Variants in FRAS1 observed in about 807,000 individuals in gnomAD.
FRAS1 encodes the protein extracellular matrix organizing protein FRAS1.
Under a neutral mutation model 435.2 loss-of-function variants are expected in FRAS1, and 290 were observed. The ratio of observed to expected loss-of-function variants is 0.67; its 90% confidence interval spans 0.61 to 0.73. The LOEUF is 0.73. Among genes scored for constraint, FRAS1 ranks in the 30% least tolerant of loss-of-function variants. FRAS1 has a pLI of 0.00. For synonymous variants in FRAS1, 1,800 were observed against 1,851.0 expected, an observed-to-expected ratio of 0.97 and a Z score of 0.71; for missense variants, 4,860 against 5,001.5, an observed-to-expected ratio of 0.97 and a Z score of 0.85.
chr4:78,224,757 C>G (rs1184633321), intron 2 of FRAS1, among the ~76,000 whole-genome samples: 4 of 152,068 alleles, frequency 2.6e-5, no homozygotes, highest in Non-Finnish European at 5.9e-5. Context: ...GTTTCAAACT[C>G]CTGGGCCCAA....
chr4:78,129,849 C>T (rs1167161750), intron 2 of FRAS1, among the ~76,000 whole-genome samples: 1 of 152,098 alleles, frequency 6.6e-6, no homozygotes, highest in Non-Finnish European at 1.5e-5. Flanking sequence ...TCCCAACTCT[C>T]CAACTCTCCA....
chr4:78,356,339 A>G (rs950520398), intron 20 of FRAS1, among the ~76,000 whole-genome samples: 2 of 152,092 alleles, frequency 1.3e-5, no homozygotes, highest in Non-Finnish European at 2.9e-5. Flanking sequence ...TTTTACTCCA[A>G]TAACCTTTTC....
chr4:78,464,263 A>G (rs1578339770), intron 48 of FRAS1, 118 bp downstream of exon 48: 3 of 1,408,904 alleles, frequency 2.1e-6, no homozygotes, highest in Non-Finnish European at 2.9e-6. Flanking sequence ...CTCTCAGTCA[A>G]GGGGTAGGGG....
At chr4:78,318,762 A>G (rs373210173) in intron 17 of FRAS1, 48 bp from the exon 18 acceptor site, 18 of 1,504,304 alleles carry the variant, frequency 1.2e-5, no homozygotes, top group Admixed American at 2.2e-5. Context: ...GATTTGCAAC[A>G]TATATTTGAT....
intron 2 of FRAS1, among the ~76,000 whole-genome samples, chr4:78,175,813 T>C (rs1721746372): frequency 6.6e-6 from 1 of 152,098 alleles, no homozygotes. Flanking sequence ...CTGCCAGTCC[T>C]CCTCTTTGGC....
intron 2 of FRAS1, among the ~76,000 whole-genome samples, chr4:78,112,452 C>CT (rs905496502): frequency 1.3e-5 from 2 of 151,720 alleles, no homozygotes. Flanking sequence ...TGTTAGGTGA[C>CT]TTTTTTTTCT....
chr4:78,397,088 T>A (rs1236761197), intron 29 of FRAS1, among the ~76,000 whole-genome samples: 2 of 147,640 alleles, frequency 1.4e-5, no homozygotes, highest in Non-Finnish European at 3.0e-5. Context: ...TTGGGTGGTA[T>A]CATGTTTCTT....
intron 3 of FRAS1, among the ~76,000 whole-genome samples, chr4:78,239,060 G>A (rs576699594): frequency 6.6e-6 from 1 of 152,140 alleles, no homozygotes; most frequent in East Asian, 1.9e-4. Flanking sequence ...ATAGACCTTG[G>A]CTGCAACAAT....
chr4:78,505,098 G>A (rs903287700), intron 61 of FRAS1, among the ~76,000 whole-genome samples: 1 of 152,242 alleles, frequency 6.6e-6, no homozygotes, highest in East Asian at 1.9e-4. Context: ...GAGATCTGCT[G>A]TTAGTATGAT....
At chr4:78,360,022 C>T (rs1464494088) in intron 20 of FRAS1, among the ~76,000 whole-genome samples, 2 of 152,166 alleles carry the variant, frequency 1.3e-5, no homozygotes, top group African/African-American at 2.4e-5. Context: ...ATCTGCCAAA[C>T]CGCCATGTCT....
At chr4:78,286,203 A>G (rs1436300134) in intron 13 of FRAS1, 1 of 697,856 alleles carries the variant, frequency 1.4e-6, no homozygotes, top group Non-Finnish European at 2.6e-6. Flanking sequence ...AATTAAATGA[A>G]TTCATATACG....
chr4:78,384,839 T>C (rs955155910), intron 28 of FRAS1, among the ~76,000 whole-genome samples: 2 of 147,748 alleles, frequency 1.4e-5, no homozygotes, highest in African/African-American at 5.0e-5. Context: ...CTCAGGGAGG[T>C]TGAGGCTGCA....
intron 19 of FRAS1, among the ~76,000 whole-genome samples, chr4:78,334,139 A>G (rs549787141): frequency 4.6e-5 from 7 of 152,294 alleles, no homozygotes; most frequent in Non-Finnish European, 1.0e-4. Context: ...TATTAAAAAG[A>G]TATGTGCTCA....
rs1166921170 is a variant in FRAS1 at position 78,194,542 on chromosome 4, C to T, written c.109-42968C>T. Among the ~76,000 whole-genome samples the T allele has an allele frequency of 2.6e-5, 4 of 152,168 alleles. No individual in the cohort carries two copies. In the East Asian group the frequency reaches 5.8e-4, roughly 22 times the overall value. On this transcript the variant is annotated intron_variant, in intron 2 of 73. Transcript: ENST00000512123. ...TCATTTGATCTTCCATCACTGATAC[C>T]CTTTCTTCCAGTTGATCGAATTGGC...
At chr4:78,240,630 G>A (rs1247295471) in intron 3 of FRAS1, among the ~76,000 whole-genome samples, 1 of 152,228 alleles carries the variant, frequency 6.6e-6, no homozygotes, top group African/African-American at 2.4e-5. Flanking sequence ...AGCTGGATAT[G>A]TAAGTCTAAG....
chr4:78,525,083 A>G (rs1348158668), intron 69 of FRAS1, among the ~76,000 whole-genome samples: 1 of 152,142 alleles, frequency 6.6e-6, no homozygotes, highest in Non-Finnish European at 1.5e-5. Context: ...AGTAGTAGAC[A>G]ATAATGCTGA....
intron 2 of FRAS1, among the ~76,000 whole-genome samples, chr4:78,191,532 TTC>T (rs1409790336): frequency 1.4e-4 from 5 of 36,560 alleles, no homozygotes; most frequent in African/African-American, 3.0e-4. Flanking sequence ...TTGTATTATT[TTC>T]TTTTTTTTTT....
Position 78,522,730 on chromosome 4 carries a change from T to G in FRAS1, c.10730T>G (p.Phe3577Cys), listed in dbSNP as rs1721424289. Residue 3577 changes from phenylalanine to cysteine, a missense_variant, in exon 69 of 74, where the codon TTT becomes TGT. Phe to Cys is a radical substitution (Grantham distance 205, BLOSUM62 -2). Transcript: ENST00000512123. Reference protein sequence around the residue: ...LTPDHLGGIEFDLQLLWSAQT... With the variant: ...LTPDHLGGIECDLQLLWSAQT... ...CCAGACCACCTAGGAGGAATTGAAT[T>G]TGACTTGCAGCTATTATGGAGCGCT... is the stretch of plus-strand genomic sequence containing the variant. 1.2e-6 allele frequency: 2 copies of G among 1,612,410 alleles called. No homozygotes were observed. The highest frequency in any genetic ancestry group is 2.2e-5 in the East Asian group (1 of 44,822).
chr4:78,188,087 G>C (rs17003037), intron 2 of FRAS1, among the ~76,000 whole-genome samples: 7,761 of 152,130 alleles, frequency 0.051, 655 homozygotes, highest in African/African-American at 0.18. Flanking sequence ...GTCTGAGTGG[G>C]GTCTTGGTCA....
Sources: gnomAD v4.1 joint callset for allele counts (sites outside exome capture counted in the v4.1 genomes callset) on GRCh38, gnomAD v4.1.1 for gene constraint, MANE v1.5 for transcripts, NCBI Gene and HGNC (gene_info 2026-07-23, HGNC 2026-07-21) for gene names.